IRAK2: variants seen among roughly 807,000 people sequenced by gnomAD.
IRAK2 encodes the protein interleukin 1 receptor associated kinase 2.
A neutral mutation model predicts 72.0 loss-of-function variants in IRAK2; 57 were observed. The ratio of observed to expected loss-of-function variants is 0.79; its 90% CI spans 0.64 to 0.99. IRAK2 has a LOEUF of 0.99. IRAK2 is among the 50% of genes least tolerant of loss of function. The pLI, the probability that IRAK2 is intolerant of heterozygous loss-of-function variation, is 0.00. For missense variants in IRAK2, 790 were observed against 794.4 expected (o/e 0.99, Z 0.07); for synonymous variants, 293 against 312.7 (o/e 0.94, Z 0.67).
chr3:10,234,854 G>A (rs1298797722), intron 11 of IRAK2, among the ~76,000 whole-genome samples, 195 bp downstream of exon 11: 1 of 152,218 alleles, frequency 6.6e-6, no homozygotes, highest in African/African-American at 2.4e-5. Flanking sequence ...GGGTATTGCA[G>A]GGCCTCAGGG....
chr3:10,190,279 C>CTTTT (rs555169553), intron 2 of IRAK2, among the ~76,000 whole-genome samples: 3 of 114,788 alleles, frequency 2.6e-5, no homozygotes, highest in Admixed American at 8.8e-5. Flanking sequence ...TTCTTTGTTT[C>CTTTT]TTTTTTTTTT....
chr3:10,208,580 A>G (rs376447655), intron 3 of IRAK2, among the ~76,000 whole-genome samples: 1 of 151,728 alleles, frequency 6.6e-6, no homozygotes, highest in Non-Finnish European at 1.5e-5. Context: ...TGGCTAACAC[A>G]GTGAAACCCC....
At chr3:10,200,180 G>A (rs892747967) in intron 2 of IRAK2, among the ~76,000 whole-genome samples, 189 bp from the exon 3 acceptor site, 2 of 152,086 alleles carry the variant, frequency 1.3e-5, no homozygotes, top group Non-Finnish European at 1.5e-5. Context: ...GAGCCACCGC[G>A]CCTGGTCTAC....
chr3:10,212,931 AT>A (rs1295935503), intron 4 of IRAK2, among the ~76,000 whole-genome samples: 3 of 150,942 alleles, frequency 2.0e-5, no homozygotes, highest in Non-Finnish European at 4.4e-5. Context: ...CGCCTGGATA[AT>A]TTTTTTTTGT....
In IRAK2 at chr3:10,167,342, T is replaced by C. The variant is rs536879387; in HGVS notation, c.94+2294T>C. 1.1e-4 allele frequency among the ~76,000 whole-genome samples: 16 copies of C among 152,322 alleles called. 1 individual carries two copies. The South Asian group carries it at 3.3e-3, about 32-fold the overall frequency. On this transcript the variant is annotated intron_variant, in intron 1 of 12. Coordinates refer to ENST00000256458, the MANE Select transcript of IRAK2 (RefSeq NM_001570.4). Reference sequence around the variant, plus strand: ...TTCATATAAATGGAATCATATAATATATAGTGCTCTGTGACTGACTTGTTT... The same window carrying C: ...TTCATATAAATGGAATCATATAATACATAGTGCTCTGTGACTGACTTGTTT...
At chr3:10,242,006 C>G in intron 12 of IRAK2, 110 bp from the exon 13 acceptor site, 2 of 533,690 alleles carry the variant, frequency 3.7e-6, no homozygotes, top group Non-Finnish European at 6.6e-6. Context: ...AAAAGAAATG[C>G]TCATTACACT....
In IRAK2 at chr3:10,238,848, C is replaced by A. The variant is rs765255175; in HGVS notation, c.1574C>A (p.Thr525Asn). ...GAGGGTACAGGCTCTTCTTCCAACA[C>A]CCCAGAGGAAACAGACGACGTTGAC... is the stretch of plus-strand genomic sequence containing the variant. Reference protein sequence around the residue: ...LSEGTGSSSNTPEETDDVDNS... With the variant: ...LSEGTGSSSNNPEETDDVDNS... The change falls in exon 12 of 13, where the codon ACC becomes AAC. Residue 525 changes from threonine to asparagine, a missense_variant. By Grantham distance (65) the Thr-to-Asn change is moderately conservative (BLOSUM62 0). Transcript: ENST00000256458. 20 of 1,613,966 alleles carry A rather than the reference C, an allele frequency of 1.2e-5. No individual in the cohort carries two copies. In the South Asian group the frequency reaches 2.2e-4, roughly 18 times the overall value.
At chr3:10,191,501 C>G (rs1697175631) in intron 2 of IRAK2, among the ~76,000 whole-genome samples, 1 of 152,240 alleles carries the variant, frequency 6.6e-6, no homozygotes, top group Admixed American at 6.5e-5. Flanking sequence ...GCTCTTCAAC[C>G]TCACCTCTAC....
chr3:10,222,529 A>G (rs146266839), intron 8 of IRAK2, 107 bp from the exon 9 acceptor site: 14 of 868,008 alleles, frequency 1.6e-5, no homozygotes, highest in East Asian at 7.2e-5. Context: ...AGAGACCTCA[A>G]CTTGCAGGAG....
intron 3 of IRAK2, among the ~76,000 whole-genome samples, chr3:10,201,015 T>C (rs1247583587): frequency 6.6e-6 from 1 of 152,232 alleles, no homozygotes; most frequent in Non-Finnish European, 1.5e-5. Flanking sequence ...GGAAACATAC[T>C]GACAATATCG....
intron 10 of IRAK2, among the ~76,000 whole-genome samples, chr3:10,228,241 A>C (rs189932539): frequency 6.6e-5 from 10 of 152,058 alleles, no homozygotes; most frequent in Admixed American, 5.2e-4. Context: ...TATTTTATTT[A>C]TTTATTTATT....
At chr3:10,215,397 A>G (rs1697586959) in intron 6 of IRAK2, among the ~76,000 whole-genome samples, 1 of 146,102 alleles carries the variant, frequency 6.8e-6, no homozygotes, top group Non-Finnish European at 1.5e-5. Context: ...CTGTCTCAAA[A>G]AAAAAAAAAA....
At chr3:10,226,236 T>A in intron 9 of IRAK2, 135 bp from the exon 10 acceptor site, 1 of 584,770 alleles carries the variant, frequency 1.7e-6, no homozygotes, top group Non-Finnish European at 3.1e-6. Context: ...ATGTTCCAGA[T>A]TTTGGGCAGG....
intron 10 of IRAK2, among the ~76,000 whole-genome samples, chr3:10,232,491 G>C (rs1697876417): frequency 6.6e-6 from 1 of 152,140 alleles, no homozygotes. Flanking sequence ...TGCTAAGATT[G>C]ATCAGTGGTT....
intron 4 of IRAK2, among the ~76,000 whole-genome samples, chr3:10,212,492 T>C (rs13058968): frequency 0.31 from 47,806 of 151,946 alleles, 8,047 homozygotes; most frequent in Non-Finnish European, 0.38. Flanking sequence ...AGACCAAGAG[T>C]GCTGAGCTCG....
chr3:10,225,624 C>T (rs1256240635), intron 9 of IRAK2, among the ~76,000 whole-genome samples: 1 of 152,038 alleles, frequency 6.6e-6, no homozygotes, highest in East Asian at 1.9e-4. Flanking sequence ...GAATAGATAC[C>T]TGCCTGCATG....
chr3:10,189,390 C>G (rs547713917), intron 2 of IRAK2, among the ~76,000 whole-genome samples: 1 of 152,174 alleles, frequency 6.6e-6, no homozygotes, highest in Non-Finnish European at 1.5e-5. Flanking sequence ...TTGCTTTCAC[C>G]GGAGAGTGAA....
chr3:10,219,545 C>T, intron 7 of IRAK2, 135 bp from the exon 8 acceptor site: 1 of 645,646 alleles, frequency 1.5e-6, no homozygotes, highest in Non-Finnish European at 2.8e-6. Context: ...GTCTCGATCT[C>T]CTGAACTAGT....
At chr3:10,233,494 G>A (rs868618705) in intron 10 of IRAK2, among the ~76,000 whole-genome samples, 26 of 152,074 alleles carry the variant, frequency 1.7e-4, no homozygotes, top group Middle Eastern at 6.8e-3. Context: ...TATAGCATAT[G>A]TTCTATTGTA....
Sources: allele counts gnomAD v4.1 joint callset (sites outside exome capture counted in the v4.1 genomes callset), GRCh38; gene constraint gnomAD v4.1.1; transcripts MANE v1.5; gene names NCBI Gene and HGNC (gene_info 2026-07-23, HGNC 2026-07-21).